SP3: variants seen among roughly 807,000 people sequenced by gnomAD.
SP3 encodes the protein transcription factor Sp3.
SP3 carries 10 observed loss-of-function variants against 70.3 expected under a neutral mutation model. The ratio of observed to expected loss-of-function variants is 0.14; its 90% CI spans 0.09 to 0.24. SP3 has a LOEUF of 0.24. SP3 is among the 10% of genes least tolerant of loss of function. The probability of loss-of-function intolerance (pLI) is 1.00; values close to 1 mark genes in which losing one functional copy is unlikely to be tolerated. For synonymous variants in SP3, 402 were observed against 333.5 expected (o/e 1.21, Z -2.24); for missense variants, 825 against 914.6 (o/e 0.90, Z 1.26).
chr2:173,941,577 G>T (rs2105482969), intron 4 of SP3, among the ~76,000 whole-genome samples: 1 of 152,246 alleles, frequency 6.6e-6, no homozygotes, highest in East Asian at 1.9e-4. Flanking sequence ...CTCCAGCCTG[G>T]GTGATAGTTG....
chr2:173,903,596 A>G lies in SP3; in HGVS notation c.*6345T>C, dbSNP rs1200431130. Among the ~76,000 whole-genome samples, 1 of 152,240 alleles carries G rather than the reference A, an allele frequency of 6.6e-6. No homozygotes were observed. The highest frequency in any genetic ancestry group is 1.5e-5 in the Non-Finnish European group (1 of 68,048). On this transcript the variant is annotated 3_prime_UTR_variant, in exon 7 of 7. Coordinates refer to ENST00000310015, the MANE Select transcript of SP3 (RefSeq NM_003111.5). ...AGGACTAAGTAATTGGGTATACATA[A>G]TTAAAAGAAAGACCCAAACCTATTC...
intron 4 of SP3, among the ~76,000 whole-genome samples, chr2:173,951,872 G>A (rs1356657650): frequency 6.6e-6 from 1 of 152,080 alleles, no homozygotes; most frequent in African/African-American, 2.4e-5. Context: ...CCGGTTCACT[G>A]AACTATCATA....
At chr2:173,942,994 T>G (rs1039865468) in intron 4 of SP3, among the ~76,000 whole-genome samples, 4 of 152,198 alleles carry the variant, frequency 2.6e-5, no homozygotes, top group Admixed American at 2.6e-4. Context: ...GTGTAGGTTA[T>G]ATGCAAATAC....
intron 5 of SP3, chr2:173,913,606 C>A: frequency 6.3e-6 from 1 of 159,738 alleles, no homozygotes; most frequent in Non-Finnish European, 1.4e-5. Context: ...TACGCATAAG[C>A]CTGATCCACT....
At chr2:173,931,991 T>A (rs1399768198) in intron 4 of SP3, among the ~76,000 whole-genome samples, 1 of 152,206 alleles carries the variant, frequency 6.6e-6, no homozygotes, top group East Asian at 1.9e-4. Context: ...GGACTTTTAA[T>A]TTCCTTCAAG....
chr2:173,964,394 C>G lies in SP3; in HGVS notation c.156+11G>C. The G allele has an allele frequency of 1.4e-6, 1 of 706,576 alleles. No individual in the cohort carries two copies. The highest frequency in any genetic ancestry group is 2.9e-5 in the East Asian group (1 of 34,866). The allele number at this position is 706,576 out of a possible 1,614,324, so 43.8% of individuals were successfully genotyped here. ...AGGGGGGAGCCGGGCCGGGGTTCAG[C>G]CGCTCCTCACCTGGGCCGCCGCTGC... On this transcript the variant is annotated intron_variant, in intron 2 of 6. Transcript: ENST00000310015.
chr2:173,941,015 T>C (rs1559101854), intron 4 of SP3, among the ~76,000 whole-genome samples: 1 of 151,850 alleles, frequency 6.6e-6, no homozygotes, highest in Non-Finnish European at 1.5e-5. Context: ...TCATCCTCTT[T>C]CATACTTTCT....
chr2:173,943,679 C>T (rs1690445476), intron 4 of SP3, among the ~76,000 whole-genome samples: 1 of 152,106 alleles, frequency 6.6e-6, no homozygotes, highest in African/African-American at 2.4e-5. Flanking sequence ...ATTGTATTTG[C>T]TTATTTGTCT....
chr2:173,936,956 T>A (rs1690225643), intron 4 of SP3, among the ~76,000 whole-genome samples: 1 of 152,198 alleles, frequency 6.6e-6, no homozygotes, highest in Admixed American at 6.5e-5. Flanking sequence ...GTTATCTGTA[T>A]CATGCAATTT....
At chr2:173,914,047 T>C (rs1042921781) in intron 5 of SP3, 1 of 152,032 alleles carries the variant, frequency 6.6e-6, no homozygotes, top group African/African-American at 2.4e-5. Context: ...TTAGAAGATA[T>C]GAGATTAGAT....
chr2:173,922,806 T>G (rs905674695), intron 4 of SP3, among the ~76,000 whole-genome samples: 4 of 152,178 alleles, frequency 2.6e-5, no homozygotes, highest in African/African-American at 9.7e-5. Context: ...CACAAAACCC[T>G]GCCTAGTATA....
intron 4 of SP3, among the ~76,000 whole-genome samples, chr2:173,944,169 G>A (rs1690462896): frequency 6.6e-6 from 1 of 152,218 alleles, no homozygotes. Flanking sequence ...CTGGGAGAAT[G>A]ATGGTCCTAT....
chr2:173,965,119 C>G, intron 1 of SP3, 46 bp downstream of exon 1: 1 of 1,527,940 alleles, frequency 6.5e-7, no homozygotes, highest in Non-Finnish European at 8.8e-7. Flanking sequence ...TCGGCGGCAG[C>G]GGCGGCGGCG....
In SP3 at chr2:173,906,801, T is replaced by A. The variant is rs917910242; in HGVS notation, c.*3140A>T. ...TTAACAGAACCACTTGAGCAGCTGT[T>A]TCAAAACACATATACACTCCATCTC... is the stretch of plus-strand genomic sequence containing the variant. On this transcript the variant is annotated 3_prime_UTR_variant, in exon 7 of 7. Transcript: ENST00000310015. The A allele has an allele frequency of 1.3e-5, 2 of 152,174 alleles. No homozygotes were observed. Among genetic ancestry groups the A allele is most frequent in the Admixed American group, 6.5e-5 (1 of 15,276 alleles). 9.4% of individuals were successfully genotyped at this position (152,174 alleles called of 1,614,324 possible).
At chr2:173,961,474 G>A (rs1439361013) in intron 3 of SP3, among the ~76,000 whole-genome samples, 2 of 152,200 alleles carry the variant, frequency 1.3e-5, no homozygotes, top group Non-Finnish European at 2.9e-5. Flanking sequence ...GATCCCAGAA[G>A]AGAAAATGGA....
At chr2:173,959,184 A>T (rs1690982754) in intron 3 of SP3, among the ~76,000 whole-genome samples, 1 of 152,162 alleles carries the variant, frequency 6.6e-6, no homozygotes, top group Non-Finnish European at 1.5e-5. Flanking sequence ...TTATTTCCAC[A>T]ATTCCACAAT....
chr2:173,917,339 C>T (rs1375967172), intron 5 of SP3, among the ~76,000 whole-genome samples: 1 of 151,988 alleles, frequency 6.6e-6, no homozygotes, highest in Non-Finnish European at 1.5e-5. Context: ...TTACAATAAA[C>T]ATGAATACCT....
At chr2:173,940,818 T>C (rs944839175) in intron 4 of SP3, among the ~76,000 whole-genome samples, 2 of 152,180 alleles carry the variant, frequency 1.3e-5, no homozygotes, top group Non-Finnish European at 2.9e-5. Flanking sequence ...TCTTAGCTTG[T>C]TTCTTATCAC....
Position 173,964,555 on chromosome 2 carries a change from T to C in SP3, c.8-2A>G. On this transcript the variant is annotated splice_acceptor_variant, in intron 1 of 6. Transcript: ENST00000310015. LOFTEE classifies it high-confidence loss of function. ...CTTGTTTCACGGGCTTTTCGGGAGC[T>C]GCAGGCACAGCGCGGGGGGGTGGGG... 1 of 415,286 alleles carries C rather than the reference T, an allele frequency of 2.4e-6. No homozygotes were observed. Among genetic ancestry groups the C allele is most frequent in the Non-Finnish European group, 4.8e-6 (1 of 207,006 alleles). The allele number at this position is 415,286 out of a possible 1,614,324, so 25.7% of individuals were successfully genotyped here. A position where few individuals can be genotyped will look rare whatever the true frequency, so the allele number is the denominator to read the frequency against.
Sources: allele counts gnomAD v4.1 joint callset (sites outside exome capture counted in the v4.1 genomes callset), GRCh38; gene constraint gnomAD v4.1.1; transcripts MANE v1.5; gene names NCBI Gene and HGNC (gene_info 2026-07-23, HGNC 2026-07-21).